Variants in ESRRB observed in about 807,000 individuals in gnomAD.
The protein encoded by ESRRB is steroid hormone receptor ERR2.
ESRRB carries 16 observed loss-of-function variants against 46.0 expected under a neutral mutation model. The ratio of observed to expected loss-of-function variants is 0.35; its 90% CI spans 0.24 to 0.53. The LOEUF (loss-of-function observed/expected upper bound fraction) is 0.53, where lower values mean the gene tolerates loss of function less well. Ranked by LOEUF, ESRRB falls within the 20% of genes least tolerant of loss-of-function variation. ESRRB has a pLI of 0.93. For missense variants in ESRRB, 488 were observed against 607.4 expected (o/e 0.80, Z 2.07); for synonymous variants, 246 against 259.6 (o/e 0.95, Z 0.50).
intron 1 of ESRRB, among the ~76,000 whole-genome samples, chr14:76,437,268 G>A (rs1042280651): frequency 1.3e-5 from 2 of 152,128 alleles, no homozygotes; most frequent in African/African-American, 4.8e-5. Context: ...CTGACCTCAC[G>A]TGATCCACCC....
At chr14:76,461,254 C>G (rs566949452) in intron 2 of ESRRB, among the ~76,000 whole-genome samples, 1 of 152,300 alleles carries the variant, frequency 6.6e-6, no homozygotes, top group East Asian at 1.9e-4. Flanking sequence ...TTGGAAAACT[C>G]ATCTGTAAAA....
intron 2 of ESRRB, among the ~76,000 whole-genome samples, chr14:76,459,846 C>T (rs117340871): frequency 6.6e-6 from 1 of 151,856 alleles, no homozygotes; most frequent in South Asian, 2.1e-4. Flanking sequence ...TCCCTCCCTG[C>T]AAGAAATGGG....
intron 1 of ESRRB, among the ~76,000 whole-genome samples, chr14:76,405,740 G>A (rs904568589): frequency 4.6e-5 from 7 of 151,468 alleles, no homozygotes; most frequent in East Asian, 1.9e-4. Flanking sequence ...GCAACAGAGC[G>A]AGACTCTGTC....
At chr14:76,450,056 A>G (rs1236182111) in intron 2 of ESRRB, among the ~76,000 whole-genome samples, 3 of 152,116 alleles carry the variant, frequency 2.0e-5, no homozygotes, top group African/African-American at 7.2e-5. Context: ...GACAATAAAT[A>G]TGATAAATAA....
rs1024567191 is a variant in ESRRB at position 76,500,453 on chromosome 14, C to T, written c.*1995C>T. On this transcript the variant is annotated 3_prime_UTR_variant, in exon 7 of 7. Coordinates refer to ENST00000644823, the MANE Select transcript of ESRRB (RefSeq NM_001379180.1). ...AAGGCCCCTTCTTGGCATCAAGGAA[C>T]ACCAGCTACAAACCAAGTCTAGCAC... is the stretch of plus-strand genomic sequence containing the variant. 1.7e-6 allele frequency: 1 copy of T among 595,146 alleles called. No individual in the cohort carries two copies. The allele number at this position is 595,146 out of a possible 1,614,324, so 36.9% of individuals were successfully genotyped here.
intron 5 of ESRRB, among the ~76,000 whole-genome samples, chr14:76,487,144 A>G (rs1890052477): frequency 6.6e-6 from 1 of 152,204 alleles, no homozygotes; most frequent in Admixed American, 6.5e-5. Flanking sequence ...GGCTTATACC[A>G]TAACACTGCT....
At chr14:76,493,670 T>G (rs1890314276) in intron 6 of ESRRB, among the ~76,000 whole-genome samples, 1 of 152,230 alleles carries the variant, frequency 6.6e-6, no homozygotes, top group African/African-American at 2.4e-5. Context: ...ACTGTCCTGC[T>G]TTTACTGAAA....
At chr14:76,315,277 T>TGCTTGTTA (rs61699426) in intron 1 of ESRRB, among the ~76,000 whole-genome samples, 119,787 of 151,376 alleles carry the variant, frequency 0.79, 47,661 homozygotes, top group South Asian at 0.85. Context: ...CCCTGTGCTA[T>TGCTTGTTA]GCTTCTGTGT....
At chr14:76,406,678 A>T (rs1402491569) in intron 1 of ESRRB, among the ~76,000 whole-genome samples, 1 of 152,208 alleles carries the variant, frequency 6.6e-6, no homozygotes, top group African/African-American at 2.4e-5. Context: ...CCAGAGGCAG[A>T]GGTTGCGGTG....
intron 1 of ESRRB, among the ~76,000 whole-genome samples, chr14:76,319,319 A>G (rs1326960700): frequency 1.3e-5 from 2 of 152,230 alleles, no homozygotes; most frequent in Non-Finnish European, 2.9e-5. Flanking sequence ...AGGAATAAGC[A>G]TGGGCAATTT....
chr14:76,420,561 G>A (rs1356405342), intron 1 of ESRRB, among the ~76,000 whole-genome samples: 2 of 81,644 alleles, frequency 2.4e-5, no homozygotes, highest in Admixed American at 1.2e-4. Flanking sequence ...GGGTGTGAGT[G>A]TGTGTGTGTG....
intron 1 of ESRRB, among the ~76,000 whole-genome samples, chr14:76,322,840 C>T (rs1470365886): frequency 6.6e-6 from 1 of 152,202 alleles, no homozygotes; most frequent in Non-Finnish European, 1.5e-5. Context: ...ATCCGCCCAC[C>T]TTGGCTCTTG....
intron 5 of ESRRB, among the ~76,000 whole-genome samples, chr14:76,485,233 A>T (rs1473343007): frequency 2.6e-4 from 24 of 91,842 alleles, no homozygotes; most frequent in Admixed American, 4.1e-4. Flanking sequence ...CAAATGCCTG[A>T]TTTTTTTTTT....
intron 1 of ESRRB, among the ~76,000 whole-genome samples, chr14:76,401,057 G>A (rs187505789): frequency 6.6e-6 from 1 of 151,542 alleles, no homozygotes; most frequent in Admixed American, 6.6e-5. Flanking sequence ...TCACAGCTCC[G>A]GCCCAGGCCA....
chr14:76,419,383 T>C (rs949637410), intron 1 of ESRRB, among the ~76,000 whole-genome samples: 3 of 152,216 alleles, frequency 2.0e-5, no homozygotes, highest in Admixed American at 6.5e-5. Context: ...CGGTGCTGGG[T>C]TCAGTCCTGG....
chr14:76,479,439 A>G (rs1031657867), intron 3 of ESRRB, among the ~76,000 whole-genome samples: 9 of 152,220 alleles, frequency 5.9e-5, no homozygotes, highest in Admixed American at 5.9e-4. Context: ...AACTGCTCGC[A>G]TGCACAGCCT....
intron 5 of ESRRB, among the ~76,000 whole-genome samples, chr14:76,485,997 G>A (rs895018012): frequency 2.0e-5 from 3 of 152,174 alleles, no homozygotes; most frequent in African/African-American, 7.2e-5. Flanking sequence ...ACATCCAGGG[G>A]GAGCTTGGTT....
At chr14:76,355,697 TTC>T (rs1884370969) in intron 1 of ESRRB, among the ~76,000 whole-genome samples, 1 of 152,144 alleles carries the variant, frequency 6.6e-6, no homozygotes, top group Admixed American at 6.6e-5. Flanking sequence ...CTCAGTTTTC[TTC>T]TCTGTAAAGT....
chr14:76,448,812 A>G (rs563948004), intron 2 of ESRRB, among the ~76,000 whole-genome samples: 1 of 152,338 alleles, frequency 6.6e-6, no homozygotes, highest in Admixed American at 6.5e-5. Flanking sequence ...TAAGGGATCT[A>G]GGTAAAATAG....
Sources: allele counts gnomAD v4.1 joint callset (sites outside exome capture counted in the v4.1 genomes callset), GRCh38; gene constraint gnomAD v4.1.1; transcripts MANE v1.5; gene names NCBI Gene and HGNC (gene_info 2026-07-23, HGNC 2026-07-21).